NRXN3: variants seen among roughly 807,000 people sequenced by gnomAD.
NRXN3 encodes neurexin III.
A neutral mutation model predicts 137.6 loss-of-function variants in NRXN3; 32 were observed. The ratio of observed to expected loss-of-function variants is 0.23; its 90% CI spans 0.18 to 0.31. The LOEUF is 0.31. Among genes scored for constraint, NRXN3 ranks in the 10% least tolerant of loss-of-function variants. NRXN3 has a pLI of 1.00. For synonymous variants in NRXN3, 798 were observed against 784.5 expected (o/e 1.02, Z -0.29); for missense variants, 1,574 against 2,062.5 (o/e 0.76, Z 4.59).
intron 15 of NRXN3, among the ~76,000 whole-genome samples, chr14:79,000,664 T>C (rs1369824347): frequency 6.6e-6 from 1 of 151,102 alleles, no homozygotes; most frequent in Non-Finnish European, 1.5e-5. Flanking sequence ...CTAAAGTGTG[T>C]CATCTGGTTA....
intron 10 of NRXN3, among the ~76,000 whole-genome samples, chr14:78,860,600 G>T (rs1013545519): frequency 1.3e-5 from 2 of 152,074 alleles, no homozygotes; most frequent in East Asian, 3.8e-4. Flanking sequence ...TTAAATAAAA[G>T]AAGTGTATTT....
chr14:79,300,628 C>G (rs1282373862), intron 15 of NRXN3, among the ~76,000 whole-genome samples: 1 of 151,952 alleles, frequency 6.6e-6, no homozygotes, highest in African/African-American at 2.4e-5. Context: ...GGGCTGCCTC[C>G]CAGAGAGGTA....
chr14:79,560,401 C>A (rs1333509271), intron 16 of NRXN3, among the ~76,000 whole-genome samples: 2 of 151,542 alleles, frequency 1.3e-5, no homozygotes, highest in Non-Finnish European at 2.9e-5. Context: ...CCAGAGAGGA[C>A]CCCTAGGTAA....
At chr14:78,469,619 G>T (rs931662441) in intron 4 of NRXN3, among the ~76,000 whole-genome samples, 7 of 152,164 alleles carry the variant, frequency 4.6e-5, no homozygotes, top group Non-Finnish European at 8.8e-5. Context: ...ACCCAACCTG[G>T]ATCAACACCT....
intron 16 of NRXN3, among the ~76,000 whole-genome samples, chr14:79,636,123 G>A (rs1241965006): frequency 6.6e-6 from 1 of 152,146 alleles, no homozygotes; most frequent in Non-Finnish European, 1.5e-5. Context: ...GAGTTAGGAT[G>A]CATTCTAATG....
intron 19 of NRXN3, among the ~76,000 whole-genome samples, chr14:79,747,501 A>G (rs181361128): frequency 6.6e-6 from 1 of 152,002 alleles, no homozygotes; most frequent in Admixed American, 6.6e-5. Context: ...ATGTTTCCCA[A>G]TTCAAAATAT....
At chr14:79,219,094 T>A (rs2069051591) in intron 15 of NRXN3, among the ~76,000 whole-genome samples, 1 of 152,102 alleles carries the variant, frequency 6.6e-6, no homozygotes, top group African/African-American at 2.4e-5. Flanking sequence ...AGTATATAAA[T>A]GTTAGTAAAA....
At chr14:78,378,057 A>G (rs986744954) in intron 4 of NRXN3, among the ~76,000 whole-genome samples, 12 of 152,346 alleles carry the variant, frequency 7.9e-5, no homozygotes, top group South Asian at 6.2e-4. Context: ...AAGAATTGAA[A>G]TACAAATTGT....
intron 15 of NRXN3, among the ~76,000 whole-genome samples, chr14:79,149,326 ATT>A (rs556091046): frequency 6.9e-6 from 1 of 144,248 alleles, no homozygotes; most frequent in Non-Finnish European, 1.5e-5. Flanking sequence ...GGATAGGGGG[ATT>A]TTTTTTTTTT....
intron 8 of NRXN3, among the ~76,000 whole-genome samples, chr14:78,776,435 A>G (rs1262791569): frequency 6.6e-6 from 1 of 152,126 alleles, no homozygotes; most frequent in Non-Finnish European, 1.5e-5. Context: ...CGAGCAGATA[A>G]TAGTATTGGG....
At chr14:79,803,933 G>GTATATA (rs150295285) in intron 19 of NRXN3, among the ~76,000 whole-genome samples, 1 of 141,262 alleles carries the variant, frequency 7.1e-6, no homozygotes. Context: ...ATATGTGTGT[G>GTATATA]TATATATATA....
chr14:79,134,201 G>A (rs2057975010), intron 15 of NRXN3, among the ~76,000 whole-genome samples: 1 of 152,160 alleles, frequency 6.6e-6, no homozygotes, highest in South Asian at 2.1e-4. Flanking sequence ...TGGAATGGGA[G>A]GACAGCCACC....
intron 2 of NRXN3, among the ~76,000 whole-genome samples, chr14:78,257,125 A>G (rs930786041): frequency 3.9e-5 from 6 of 152,246 alleles, no homozygotes; most frequent in African/African-American, 1.4e-4. Flanking sequence ...GTTCAGGATT[A>G]CTAACGCTAT....
In NRXN3 at chr14:78,171,738, T is replaced by TAA. The variant is rs35449641; in HGVS notation, c.-704+1072_-704+1073dup. On this transcript the variant is annotated intron_variant, in intron 1 of 20. Transcript: ENST00000335750. ...GGTGACTTACCCTGTGATTACTTGTTAAAAAAAAATAAAATTTTCCCTTCC... is the reference window on the plus strand; with the variant it reads ...GGTGACTTACCCTGTGATTACTTGTTAAAAAAAAAAATAAAATTTTCCCTTCC... Among the ~76,000 whole-genome samples, 3 of 150,658 alleles carry TAA rather than the reference T, an allele frequency of 2.0e-5. No homozygotes were observed. The East Asian group carries it at 5.9e-4, about 29-fold the overall frequency.
intron 6 of NRXN3, among the ~76,000 whole-genome samples, chr14:78,666,405 G>A (rs892843801): frequency 1.3e-5 from 2 of 152,140 alleles, no homozygotes; most frequent in Admixed American, 6.5e-5. Context: ...TTTGAAAAAG[G>A]AAAGATAAGA....
intron 15 of NRXN3, among the ~76,000 whole-genome samples, chr14:79,165,313 G>A (rs765041295): frequency 2.0e-5 from 3 of 151,970 alleles, no homozygotes; most frequent in Non-Finnish European, 4.4e-5. Context: ...TTAGGACATT[G>A]TAAGACAATT....
At chr14:78,365,190 T>A (rs975882437) in intron 4 of NRXN3, among the ~76,000 whole-genome samples, 4 of 152,190 alleles carry the variant, frequency 2.6e-5, no homozygotes, top group Non-Finnish European at 5.9e-5. Context: ...TTGAGCAGGC[T>A]CTGTATATTT....
chr14:79,848,133 G>A (rs1315946675), intron 20 of NRXN3, among the ~76,000 whole-genome samples: 1 of 152,086 alleles, frequency 6.6e-6, no homozygotes, highest in African/African-American at 2.4e-5. Flanking sequence ...AAGTATATGT[G>A]TGTAGTAGGG....
chr14:79,810,362 A>G (rs2099227462), intron 20 of NRXN3, among the ~76,000 whole-genome samples: 1 of 152,228 alleles, frequency 6.6e-6, no homozygotes, highest in African/African-American at 2.4e-5. Flanking sequence ...CTCAAGGGAC[A>G]GCACTTCCAC....
Sources: allele counts gnomAD v4.1 joint callset (sites outside exome capture counted in the v4.1 genomes callset), GRCh38; gene constraint gnomAD v4.1.1; transcripts MANE v1.5; gene names NCBI Gene and HGNC (gene_info 2026-07-23, HGNC 2026-07-21).